Variants in SPPL3 observed in about 807,000 individuals in gnomAD.
SPPL3 encodes the protein signal peptide peptidase-like 3.
Under a neutral mutation model 42.4 loss-of-function variants are expected in SPPL3, and 5 were observed. That is an observed-to-expected ratio of 0.12 (90% confidence interval 0.06 to 0.25). The LOEUF is 0.25. SPPL3 is among the 10% of genes least tolerant of loss of function. The pLI is 1.00. For synonymous variants in SPPL3, 195 were observed against 181.8 expected (o/e 1.07, Z -0.58); for missense variants, 235 against 489.0 (o/e 0.48, Z 4.90).
At chr12:120,802,714 C>T (rs118025645) in intron 2 of SPPL3, among the ~76,000 whole-genome samples, 7 of 151,952 alleles carry the variant, frequency 4.6e-5, no homozygotes, top group Admixed American at 4.6e-4. Context: ...GGATTACAAG[C>T]GTGAGCCACC....
intron 1 of SPPL3, among the ~76,000 whole-genome samples, chr12:120,881,839 A>G (rs1873295566): frequency 6.6e-6 from 1 of 151,886 alleles, no homozygotes; most frequent in Non-Finnish European, 1.5e-5. Context: ...GATTCCATTT[A>G]TATGAGGTAC....
At chr12:120,862,078 T>C (rs1421705056) in intron 1 of SPPL3, among the ~76,000 whole-genome samples, 3 of 152,220 alleles carry the variant, frequency 2.0e-5, no homozygotes, top group Non-Finnish European at 4.4e-5. Context: ...AACTTTTTAG[T>C]TCAGGACTCT....
chr12:120,767,375 GTC>G lies in SPPL3; in HGVS notation c.973+17_973+18del, dbSNP rs1219905778. 2 of 1,606,820 alleles carry G rather than the reference GTC, an allele frequency of 1.2e-6. No individual in the cohort carries two copies. Among genetic ancestry groups the G allele is most frequent in the Non-Finnish European group, 1.7e-6 (2 of 1,177,578 alleles). ...ACAGCCAGAGCGAGGATCATCTGCAGTCTCTCTGGTTCTCTTACCTACAAAGT... is the reference window on the plus strand; with the variant it reads ...ACAGCCAGAGCGAGGATCATCTGCAGTCTCTGGTTCTCTTACCTACAAAGT... On this transcript the variant is annotated intron_variant, in intron 9 of 10. Coordinates refer to ENST00000353487, the MANE Select transcript of SPPL3 (RefSeq NM_139015.5).
At chr12:120,884,805 T>TTGG (rs747270730) in intron 1 of SPPL3, among the ~76,000 whole-genome samples, 1 of 76,662 alleles carries the variant, frequency 1.3e-5, no homozygotes. Flanking sequence ...GTTTTTTTTT[T>TTGG]GGGTTTTTTT....
intron 1 of SPPL3, among the ~76,000 whole-genome samples, chr12:120,864,301 G>T (rs35600816): frequency 2.0e-5 from 3 of 151,924 alleles, no homozygotes; most frequent in Non-Finnish European, 4.4e-5. Flanking sequence ...TTGGGAGGCC[G>T]AGCTAGGTGG....
At chr12:120,870,987 G>A (rs1469766341) in intron 1 of SPPL3, among the ~76,000 whole-genome samples, 2 of 151,574 alleles carry the variant, frequency 1.3e-5, no homozygotes, top group African/African-American at 2.4e-5. Flanking sequence ...AAAAACAGCC[G>A]GGCATGGCGC....
chr12:120,800,553 G>C (rs1870256303), intron 2 of SPPL3, among the ~76,000 whole-genome samples: 1 of 151,986 alleles, frequency 6.6e-6, no homozygotes, highest in Admixed American at 6.6e-5. Flanking sequence ...ATGTTTAAAT[G>C]ATCAACAGAA....
At chr12:120,855,098 C>T (rs1732309237) in intron 1 of SPPL3, among the ~76,000 whole-genome samples, 1 of 152,012 alleles carries the variant, frequency 6.6e-6, no homozygotes, top group South Asian at 2.1e-4. Flanking sequence ...CTCCAGCCAC[C>T]GTTTCTTCTC....
At chr12:120,874,984 C>T (rs2137052384) in intron 1 of SPPL3, among the ~76,000 whole-genome samples, 1 of 152,246 alleles carries the variant, frequency 6.6e-6, no homozygotes, top group South Asian at 2.1e-4. Context: ...ATTTAGGCCA[C>T]ATAAAAAGGT....
chr12:120,796,564 G>A (rs757303014), intron 2 of SPPL3, among the ~76,000 whole-genome samples: 12 of 152,210 alleles, frequency 7.9e-5, no homozygotes, highest in Middle Eastern at 3.4e-3. Context: ...ATCTCTGCAC[G>A]TATGCTAGAC....
rs1183681116 is a variant in SPPL3, at chr12:120,833,064, GAGTTC to G, written c.24-22183_24-22179del. Among the ~76,000 whole-genome samples, 18 of 152,294 alleles carry G rather than the reference GAGTTC, an allele frequency of 1.2e-4. No homozygotes were observed. The East Asian group carries it at 3.1e-3, about 26-fold the overall frequency. Reference sequence around the variant, plus strand: ...CAATAAAGGAACATAAGCACTATAGGAGTTCAGAGGAAGAAGAGATTGCTTCCATC... The same window carrying G: ...CAATAAAGGAACATAAGCACTATAGGAGAGGAAGAAGAGATTGCTTCCATC... On this transcript the variant is annotated intron_variant, in intron 1 of 10. Coordinates refer to ENST00000353487, the MANE Select transcript of SPPL3 (RefSeq NM_139015.5).
chr12:120,770,962 T>C (rs1367623153), intron 6 of SPPL3, among the ~76,000 whole-genome samples: 4 of 152,194 alleles, frequency 2.6e-5, no homozygotes, highest in Admixed American at 1.3e-4. Context: ...ATTTACTCTT[T>C]GCTTCCAATT....
At chr12:120,899,888 C>CTAAAA (rs1873921495) in intron 1 of SPPL3, among the ~76,000 whole-genome samples, 1 of 71,704 alleles carries the variant, frequency 1.4e-5, no homozygotes, top group African/African-American at 6.3e-5. Context: ...GACCCTGTCT[C>CTAAAA]AAAAAAAAAA....
intron 1 of SPPL3, among the ~76,000 whole-genome samples, chr12:120,890,575 C>T (rs569738537): frequency 1.1e-4 from 15 of 134,552 alleles, no homozygotes; most frequent in Admixed American, 2.3e-4. Flanking sequence ...GGCGACAGAG[C>T]CAGACTCCGT....
intron 1 of SPPL3, among the ~76,000 whole-genome samples, chr12:120,823,527 G>A (rs567639722): frequency 4.6e-5 from 7 of 152,194 alleles, no homozygotes; most frequent in South Asian, 4.2e-4. Context: ...CAGCTCCCAC[G>A]ACATCCTACT....
chr12:120,768,194 T>G, intron 8 of SPPL3, 131 bp downstream of exon 8: 1 of 1,180,212 alleles, frequency 8.5e-7, no homozygotes, highest in South Asian at 1.8e-5. Context: ...CATCCTCATT[T>G]CCTCTTCTGC....
chr12:120,856,780 C>CAAT (rs1183583629), intron 1 of SPPL3, among the ~76,000 whole-genome samples: 1 of 152,002 alleles, frequency 6.6e-6, no homozygotes, highest in Non-Finnish European at 1.5e-5. Context: ...GACTGGTGTG[C>CAAT]AATTGCCATC....
At chr12:120,867,961 G>A (rs1166267457) in intron 1 of SPPL3, among the ~76,000 whole-genome samples, 1 of 152,032 alleles carries the variant, frequency 6.6e-6, no homozygotes, top group African/African-American at 2.4e-5. Context: ...TGGCCAGGCT[G>A]GTCTCGAACT....
At chr12:120,863,379 A>G (rs947202474) in intron 1 of SPPL3, among the ~76,000 whole-genome samples, 1 of 152,172 alleles carries the variant, frequency 6.6e-6, no homozygotes, top group East Asian at 1.9e-4. Flanking sequence ...TTAATGAAAA[A>G]TAACTCTTTT....
Sources: gnomAD v4.1 joint callset for allele counts (sites outside exome capture counted in the v4.1 genomes callset) on GRCh38, gnomAD v4.1.1 for gene constraint, MANE v1.5 for transcripts, NCBI Gene and HGNC (gene_info 2026-07-23, HGNC 2026-07-21) for gene names.